FGF14: variants seen among roughly 807,000 people sequenced by gnomAD.
FGF14 encodes fibroblast growth factor 14.
FGF14 carries 5 observed loss-of-function variants against 25.5 expected under a neutral mutation model. The observed-to-expected ratio is 0.20, with a 90% CI of 0.10 to 0.41. FGF14 has a LOEUF of 0.41. Among genes scored for constraint, FGF14 ranks in the 10% least tolerant of loss-of-function variants. FGF14 has a pLI of 1.00. For synonymous variants in FGF14, 138 were observed against 118.3 expected, an observed-to-expected ratio of 1.17 and a Z score of -1.08; for missense variants, 222 against 320.1, an observed-to-expected ratio of 0.69 and a Z score of 2.34.
At chr13:102,185,493 C>T (rs1347773237) in intron 1 of FGF14, among the ~76,000 whole-genome samples, 1 of 152,036 alleles carries the variant, frequency 6.6e-6, no homozygotes, top group South Asian at 2.1e-4. Context: ...TTTATATTCT[C>T]GTGTTTTATC....
chr13:102,112,077 A>T (rs1265017351), intron 1 of FGF14, among the ~76,000 whole-genome samples: 1 of 151,328 alleles, frequency 6.6e-6, no homozygotes, highest in Non-Finnish European at 1.5e-5. Context: ...ATTAGCATTT[A>T]TTAAGCATTT....
intron 3 of FGF14, among the ~76,000 whole-genome samples, chr13:101,819,005 G>A (rs964989369): frequency 6.6e-6 from 1 of 152,022 alleles, no homozygotes; most frequent in Non-Finnish European, 1.5e-5. Context: ...GGGTCCTCTT[G>A]AGCAGTTACA....
intron 1 of FGF14, among the ~76,000 whole-genome samples, chr13:102,284,318 A>G (rs1000160562): frequency 6.6e-6 from 1 of 152,204 alleles, no homozygotes; most frequent in Non-Finnish European, 1.5e-5. Context: ...GACTCTATGA[A>G]GTCCTCAATA....
chr13:102,401,736 T>C (rs2058707082), exon 1 of FGF14: 1 of 1,411,940 alleles, frequency 7.1e-7, no homozygotes, highest in Non-Finnish European at 9.9e-7. Flanking sequence ...CGTGGTATAT[T>C]TCTTTGAGAC....
intron 1 of FGF14, among the ~76,000 whole-genome samples, chr13:102,122,971 C>G (rs192283100): frequency 8.2e-4 from 125 of 152,246 alleles, no homozygotes; most frequent in African/African-American, 2.8e-3. Flanking sequence ...CTACCAAATG[C>G]TGCCAAGTTA....
chr13:102,079,515 A>C (rs2043517808), intron 1 of FGF14, among the ~76,000 whole-genome samples: 2 of 152,126 alleles, frequency 1.3e-5, no homozygotes, highest in Admixed American at 1.3e-4. Context: ...TCTGAACTTC[A>C]AGTGATCCTC....
intron 1 of FGF14, among the ~76,000 whole-genome samples, chr13:102,010,899 G>T (rs931400482): frequency 1.3e-5 from 2 of 152,176 alleles, no homozygotes; most frequent in Non-Finnish European, 2.9e-5. Context: ...AGAACGTGGA[G>T]AAACTTACAC....
At position 102,137,351 on chromosome 13, in the gene FGF14, G is replaced by A. The variant is rs150904903; in HGVS notation, c.209-262055C>T. Reference sequence around the variant, plus strand: ...AACTTATCTCATAGAGATATACTCCGGACAAGCAAATAAAATTACTTGAGC... The same window carrying A: ...AACTTATCTCATAGAGATATACTCCAGACAAGCAAATAAAATTACTTGAGC... On this transcript the variant is annotated intron_variant, in intron 1 of 4. Coordinates refer to the FGF14 transcript ENST00000376131. Among the ~76,000 whole-genome samples the A allele has an allele frequency of 1.7e-4, 26 of 152,242 alleles. No homozygotes were observed. In the East Asian group the frequency reaches 3.1e-3, roughly 18 times the overall value.
At chr13:101,888,000 G>T (rs534607666) in intron 1 of FGF14, among the ~76,000 whole-genome samples, 1 of 152,328 alleles carries the variant, frequency 6.6e-6, no homozygotes, top group South Asian at 2.1e-4. Flanking sequence ...TGGCCAAGAT[G>T]TGGATGATGG....
At chr13:101,821,199 C>T (rs1054602951) in intron 3 of FGF14, among the ~76,000 whole-genome samples, 98 of 152,276 alleles carry the variant, frequency 6.4e-4, no homozygotes, top group African/African-American at 2.1e-3. Flanking sequence ...CCACCCGCCT[C>T]GGCCTCCCAA....
At chr13:101,989,944 G>A (rs1242027900) in intron 1 of FGF14, among the ~76,000 whole-genome samples, 5 of 151,994 alleles carry the variant, frequency 3.3e-5, no homozygotes, top group African/African-American at 7.2e-5. Context: ...CCAAGCACAC[G>A]CTGGATTTAT....
intron 1 of FGF14, among the ~76,000 whole-genome samples, chr13:102,028,014 G>A (rs767181208): frequency 5.3e-5 from 8 of 151,862 alleles, no homozygotes; most frequent in Non-Finnish European, 1.2e-4. Flanking sequence ...TTGATTTGGT[G>A]TCCTTTCACT....
chr13:102,195,791 C>CAAA (rs1161228618), intron 1 of FGF14, among the ~76,000 whole-genome samples: 2 of 59,964 alleles, frequency 3.3e-5, no homozygotes, highest in Non-Finnish European at 7.5e-5. Flanking sequence ...GACCCAGTCT[C>CAAA]AAAAAAAAAA....
intron 3 of FGF14, among the ~76,000 whole-genome samples, chr13:101,733,191 A>G (rs559152115): frequency 6.6e-6 from 1 of 152,320 alleles, no homozygotes; most frequent in East Asian, 1.9e-4. Context: ...ATAAAGTTGT[A>G]TGTAGTCAAA....
chr13:102,209,569 G>A (rs892787130), intron 1 of FGF14, among the ~76,000 whole-genome samples: 12 of 152,200 alleles, frequency 7.9e-5, no homozygotes. Flanking sequence ...CTTTGGCTGA[G>A]AGCATGAGAG....
chr13:101,830,215 AT>A (rs985579074), intron 3 of FGF14, among the ~76,000 whole-genome samples: 1 of 151,996 alleles, frequency 6.6e-6, no homozygotes, highest in African/African-American at 2.4e-5. Flanking sequence ...CAACCATTTG[AT>A]TTTTTTCTCC....
chr13:101,927,722 A>G (rs2034462173), intron 1 of FGF14, among the ~76,000 whole-genome samples: 1 of 152,010 alleles, frequency 6.6e-6, no homozygotes, highest in South Asian at 2.1e-4. Flanking sequence ...CGATGTGCAC[A>G]GGCTCCCAGC....
intron 1 of FGF14, among the ~76,000 whole-genome samples, chr13:101,930,717 A>C (rs549244400): frequency 2.6e-5 from 4 of 152,316 alleles, no homozygotes; most frequent in Non-Finnish European, 5.9e-5. Flanking sequence ...ACACTCACAC[A>C]CAGAGTTAAA....
intron 1 of FGF14, among the ~76,000 whole-genome samples, chr13:102,273,605 C>T (rs1172216450): frequency 1.3e-5 from 2 of 152,128 alleles, no homozygotes; most frequent in Non-Finnish European, 2.9e-5. Flanking sequence ...ATATAGAACA[C>T]CTGAAATGTC....
Sources: gnomAD v4.1 joint callset for allele counts (sites outside exome capture counted in the v4.1 genomes callset) on GRCh38, gnomAD v4.1.1 for gene constraint, MANE v1.5 for transcripts, NCBI Gene and HGNC (gene_info 2026-07-23, HGNC 2026-07-21) for gene names.